Variants in ASAP1 observed in about 807,000 individuals in gnomAD.
The protein encoded by ASAP1 is ArfGAP with SH3 domain, ankyrin repeat and PH domain 1, also known as arf-GAP with SH3 domain, ANK repeat and PH domain-containing protein 1.
In ASAP1, 43 loss-of-function variants were observed where a neutral mutation model predicts 145.2. The ratio of observed to expected loss-of-function variants is 0.30; its 90% CI spans 0.23 to 0.38. The LOEUF is 0.38. ASAP1 is among the 10% of genes least tolerant of loss of function. The pLI is 1.00. For synonymous variants in ASAP1, 546 were observed against 515.5 expected (o/e 1.06, Z -0.80); for missense variants, 1,018 against 1,355.3 (o/e 0.75, Z 3.91).
chr8:130,230,853 A>G (rs1391439133), intron 4 of ASAP1, among the ~76,000 whole-genome samples: 1 of 152,168 alleles, frequency 6.6e-6, no homozygotes, highest in African/African-American at 2.4e-5. Flanking sequence ...TATGTCTCTT[A>G]CATATGCTTG....
At chr8:130,422,173 T>C (rs539453125) in intron 1 of ASAP1, among the ~76,000 whole-genome samples, 64 of 152,156 alleles carry the variant, frequency 4.2e-4, no homozygotes, top group African/African-American at 1.3e-3. Flanking sequence ...GAGACCAACC[T>C]GAGCCACAGT....
Position 130,359,571 on chromosome 8 carries a change from G to A in ASAP1, c.60-1428C>T, listed in dbSNP as rs188728110. ...CTGTCCTCTGCGACACACACCCACCGCGCCCTACCCCTCACCCCCGGGATT... is the reference window on the plus strand; with the variant it reads ...CTGTCCTCTGCGACACACACCCACCACGCCCTACCCCTCACCCCCGGGATT... On this transcript the variant is annotated intron_variant, in intron 2 of 29. Transcript: ENST00000518721. Among the ~76,000 whole-genome samples, 441 of 151,878 alleles carry A rather than the reference G, an allele frequency of 2.9e-3. 4 individuals are homozygous for A. Among genetic ancestry groups the A allele is most frequent in the African/African-American group, 0.01 (426 of 41,434 alleles).
intron 29 of ASAP1, among the ~76,000 whole-genome samples, chr8:130,057,162 A>T (rs1323590695): frequency 6.6e-6 from 1 of 152,192 alleles, no homozygotes; most frequent in East Asian, 1.9e-4. Flanking sequence ...GAGTCTGAGG[A>T]CTTGTCAACT....
intron 3 of ASAP1, among the ~76,000 whole-genome samples, chr8:130,282,069 G>GA (rs36024310): frequency 8.5e-4 from 109 of 127,966 alleles, no homozygotes; most frequent in African/African-American, 7.5e-4. Flanking sequence ...ACTCTGCCTC[G>GA]AAAAAAAAAA....
At chr8:130,328,770 A>G (rs1289066450) in intron 3 of ASAP1, among the ~76,000 whole-genome samples, 1 of 152,070 alleles carries the variant, frequency 6.6e-6, no homozygotes, top group Non-Finnish European at 1.5e-5. Context: ...GTACAGGCAC[A>G]TGCCACCATG....
intron 3 of ASAP1, among the ~76,000 whole-genome samples, chr8:130,317,402 G>T (rs1823730565): frequency 1.3e-5 from 2 of 152,144 alleles, no homozygotes; most frequent in Non-Finnish European, 2.9e-5. Flanking sequence ...CCACCATCAG[G>T]GTTTGTTGAA....
chr8:130,161,966 A>G (rs374923290), intron 11 of ASAP1, among the ~76,000 whole-genome samples: 3 of 152,104 alleles, frequency 2.0e-5, no homozygotes, highest in African/African-American at 7.2e-5. Context: ...ATGTCAGGCT[A>G]ATTTTTGCTT....
At chr8:130,067,717 A>G (rs1180281967) in intron 27 of ASAP1, among the ~76,000 whole-genome samples, 1 of 152,182 alleles carries the variant, frequency 6.6e-6, no homozygotes, top group East Asian at 1.9e-4. Context: ...CTTTAATCCC[A>G]TTAAGAACCC....
intron 24 of ASAP1, among the ~76,000 whole-genome samples, chr8:130,095,389 C>G (rs544634468): frequency 6.6e-6 from 1 of 151,322 alleles, no homozygotes; most frequent in Non-Finnish European, 1.5e-5. Flanking sequence ...TGACCTCCCC[C>G]TCCTGGGTTC....
intron 1 of ASAP1, among the ~76,000 whole-genome samples, chr8:130,432,944 T>G (rs1185989961): frequency 6.6e-6 from 1 of 152,152 alleles, no homozygotes; most frequent in Non-Finnish European, 1.5e-5. Flanking sequence ...GGGGAAAAGA[T>G]GTTGGGTAAG....
At chr8:130,133,165 A>T (rs916301322) in intron 15 of ASAP1, among the ~76,000 whole-genome samples, 5 of 152,092 alleles carry the variant, frequency 3.3e-5, no homozygotes, top group Admixed American at 6.5e-5. Flanking sequence ...AAAAAAAGTG[A>T]ACAATAATTG....
At chr8:130,129,537 T>C (rs1253489685) in intron 15 of ASAP1, among the ~76,000 whole-genome samples, 1 of 152,228 alleles carries the variant, frequency 6.6e-6, no homozygotes, top group Non-Finnish European at 1.5e-5. Context: ...TGTTAATTTT[T>C]TGTTACTATA....
intron 1 of ASAP1, among the ~76,000 whole-genome samples, chr8:130,415,696 G>A (rs141326030): frequency 0.02 from 2,967 of 151,102 alleles, 108 homozygotes; most frequent in African/African-American, 0.069. Context: ...GCTTAGGCAG[G>A]AGAATTGCTT....
intron 3 of ASAP1, among the ~76,000 whole-genome samples, chr8:130,285,182 A>G (rs1018411339): frequency 1.3e-5 from 2 of 152,144 alleles, no homozygotes; most frequent in Admixed American, 6.6e-5. Context: ...TACAGCAAGC[A>G]TGAAAAAAAA....
chr8:130,307,009 G>C (rs1823033545), intron 3 of ASAP1, among the ~76,000 whole-genome samples: 2 of 152,174 alleles, frequency 1.3e-5, no homozygotes, highest in Admixed American at 1.3e-4. Flanking sequence ...ATCTCAGGAT[G>C]CAGCTCAAAT....
intron 6 of ASAP1, 135 bp from the exon 7 acceptor site, chr8:130,187,420 ATT>A (rs201930107): frequency 9.2e-3 from 5,112 of 554,328 alleles, no homozygotes; most frequent in East Asian, 0.013. Flanking sequence ...ACGTTACACC[ATT>A]TTTTTTTTTT....
chr8:130,356,360 A>G (rs1565241001), intron 3 of ASAP1, among the ~76,000 whole-genome samples: 3 of 152,074 alleles, frequency 2.0e-5, no homozygotes, highest in Non-Finnish European at 1.5e-5. Flanking sequence ...AGTCTAATCA[A>G]TGTCACATCC....
intron 7 of ASAP1, among the ~76,000 whole-genome samples, chr8:130,184,004 A>G (rs1814546031): frequency 6.6e-6 from 1 of 152,248 alleles, no homozygotes; most frequent in Non-Finnish European, 1.5e-5. Context: ...TACTTTATAA[A>G]CAGAAATATT....
At chr8:130,397,753 T>A (rs56336751) in intron 2 of ASAP1, among the ~76,000 whole-genome samples, 6,216 of 152,330 alleles carry the variant, frequency 0.041, 196 homozygotes, top group African/African-American at 0.09. Flanking sequence ...ACATCTGTGT[T>A]ATTTCAGCAG....
Sources: allele counts gnomAD v4.1 joint callset (sites outside exome capture counted in the v4.1 genomes callset), GRCh38; gene constraint gnomAD v4.1.1; transcripts MANE v1.5; gene names NCBI Gene and HGNC (gene_info 2026-07-23, HGNC 2026-07-21).